AFF3: variants seen among roughly 807,000 people sequenced by gnomAD.
AFF3 encodes the protein ALF transcription elongation factor 3.
AFF3 carries 32 observed loss-of-function variants against 129.7 expected under a neutral mutation model. The ratio of observed to expected loss-of-function variants is 0.25; its 90% CI spans 0.19 to 0.33. The LOEUF (loss-of-function observed/expected upper bound fraction) is 0.33, where lower values mean the gene tolerates loss of function less well. Ranked by LOEUF, AFF3 falls within the 10% of genes least tolerant of loss-of-function variation. AFF3 has a pLI of 1.00. For synonymous variants in AFF3, 644 were observed against 635.4 expected (o/e 1.01, Z -0.20); for missense variants, 1,373 against 1,592.0 (o/e 0.86, Z 2.34).
At chr2:99,746,193 T>C (rs77834732) in intron 9 of AFF3, among the ~76,000 whole-genome samples, 3 of 148,994 alleles carry the variant, frequency 2.0e-5, no homozygotes, top group Admixed American at 1.3e-4. Flanking sequence ...AAAAAAAAGG[T>C]AGCAGGACAT....
At chr2:100,040,769 G>A (rs1042104085) in intron 4 of AFF3, among the ~76,000 whole-genome samples, 2 of 152,218 alleles carry the variant, frequency 1.3e-5, no homozygotes, top group African/African-American at 4.8e-5. Flanking sequence ...TCAGGGCTTG[G>A]GGAGGCAGCG....
chr2:99,632,379 T>G (rs1683204578), intron 13 of AFF3, among the ~76,000 whole-genome samples: 1 of 152,162 alleles, frequency 6.6e-6, no homozygotes, highest in Non-Finnish European at 1.5e-5. Flanking sequence ...GTACTGAGTT[T>G]CAGTTTGAGA....
chr2:100,025,443 A>G (rs1239116964), intron 4 of AFF3, among the ~76,000 whole-genome samples: 7 of 152,242 alleles, frequency 4.6e-5, no homozygotes, highest in African/African-American at 1.7e-4. Flanking sequence ...ATGGATGGGT[A>G]GCATCAATAT....
chr2:99,950,202 T>C (rs1267267993), intron 7 of AFF3, among the ~76,000 whole-genome samples: 1 of 152,208 alleles, frequency 6.6e-6, no homozygotes, highest in African/African-American at 2.4e-5. Context: ...ATTATATAAT[T>C]AATTGTGCAG....
chr2:99,720,545 G>A (rs1678796881), intron 11 of AFF3, among the ~76,000 whole-genome samples: 1 of 152,118 alleles, frequency 6.6e-6, no homozygotes, highest in East Asian at 1.9e-4. Flanking sequence ...GCGAGCTAAG[G>A]ATGCCTCTTT....
At chr2:99,967,119 G>A (rs1041826542) in intron 7 of AFF3, among the ~76,000 whole-genome samples, 1 of 151,920 alleles carries the variant, frequency 6.6e-6, no homozygotes. Flanking sequence ...TCTCACCCCA[G>A]CCCTTCCATT....
intron 7 of AFF3, among the ~76,000 whole-genome samples, chr2:99,957,790 T>C (rs1333568561): frequency 6.6e-6 from 1 of 152,202 alleles, no homozygotes; most frequent in African/African-American, 2.4e-5. Context: ...GTTCTGCCTA[T>C]GGAACCCTCA....
intron 4 of AFF3, among the ~76,000 whole-genome samples, chr2:100,052,232 A>T (rs565062327): frequency 6.6e-6 from 1 of 152,198 alleles, no homozygotes; most frequent in Non-Finnish European, 1.5e-5. Context: ...ATTCATTTTA[A>T]AATTGCAGCA....
At chr2:100,104,137 C>T (rs963600712) in intron 4 of AFF3, among the ~76,000 whole-genome samples, 10 of 152,066 alleles carry the variant, frequency 6.6e-5, no homozygotes, top group Non-Finnish European at 1.3e-4. Context: ...CTGCGCTCTG[C>T]CCCTGGCTAC....
chr2:99,692,900 G>T (rs570174201), intron 11 of AFF3, among the ~76,000 whole-genome samples: 3 of 152,212 alleles, frequency 2.0e-5, no homozygotes, highest in Non-Finnish European at 4.4e-5. Context: ...CCTGGGACAG[G>T]TGGCTCTGTA....
intron 4 of AFF3, among the ~76,000 whole-genome samples, chr2:100,031,129 TA>T (rs1336115345): frequency 6.6e-6 from 1 of 151,788 alleles, no homozygotes; most frequent in Non-Finnish European, 1.5e-5. Flanking sequence ...GTGGAGTCTG[TA>T]AAAAAAAGAC....
At chr2:100,016,338 A>G (rs1683059524) in intron 4 of AFF3, among the ~76,000 whole-genome samples, 1 of 136,340 alleles carries the variant, frequency 7.3e-6, no homozygotes, top group Non-Finnish European at 1.6e-5. Flanking sequence ...TGTTAGTGGT[A>G]GTGATAGTGA....
At chr2:99,733,321 A>C (rs1345743687) in intron 10 of AFF3, among the ~76,000 whole-genome samples, 1 of 150,246 alleles carries the variant, frequency 6.7e-6, no homozygotes, top group Non-Finnish European at 1.5e-5. Context: ...TGGAGGTTGC[A>C]GTGAGCCAAG....
At chr2:99,746,704 A>C (rs1681187189) in intron 9 of AFF3, among the ~76,000 whole-genome samples, 1 of 152,220 alleles carries the variant, frequency 6.6e-6, no homozygotes, top group Admixed American at 6.5e-5. Context: ...GTCACTAAGA[A>C]GACATCCACA....
chr2:99,995,526 C>T (rs1680762862), intron 7 of AFF3, among the ~76,000 whole-genome samples: 1 of 152,058 alleles, frequency 6.6e-6, no homozygotes, highest in African/African-American at 2.4e-5. Context: ...GCGACTGCCA[C>T]CATGCCTGGC....
chr2:99,649,944 T>C (rs1462084820), intron 12 of AFF3, among the ~76,000 whole-genome samples: 1 of 152,210 alleles, frequency 6.6e-6, no homozygotes, highest in African/African-American at 2.4e-5. Flanking sequence ...CAGGTAAGCT[T>C]GGACAGGCCT....
intron 11 of AFF3, among the ~76,000 whole-genome samples, chr2:99,680,357 G>T (rs1236925492): frequency 6.6e-6 from 1 of 152,160 alleles, no homozygotes; most frequent in Non-Finnish European, 1.5e-5. Flanking sequence ...GATGTTCTCA[G>T]TATTAAAGAA....
intron 9 of AFF3, among the ~76,000 whole-genome samples, chr2:99,751,162 C>T (rs185227311): frequency 1.2e-3 from 184 of 152,314 alleles, no homozygotes; most frequent in African/African-American, 4.3e-3. Context: ...GGCACAATCT[C>T]AGCTTACTGC....
intron 16 of AFF3, among the ~76,000 whole-genome samples, chr2:99,585,895 A>T (rs1166223930): frequency 2.0e-5 from 3 of 151,754 alleles, no homozygotes; most frequent in Non-Finnish European, 4.4e-5. Flanking sequence ...CACCCAGCTA[A>T]TTTTTTTATA....
Sources: gnomAD v4.1 joint callset for allele counts (sites outside exome capture counted in the v4.1 genomes callset) on GRCh38, gnomAD v4.1.1 for gene constraint, MANE v1.5 for transcripts, NCBI Gene and HGNC (gene_info 2026-07-23, HGNC 2026-07-21) for gene names.